Variants in ARPC1B observed in about 807,000 individuals in gnomAD.
ARPC1B encodes the protein actin-related protein 2/3 complex subunit 1B.
Under a neutral mutation model 46.0 loss-of-function variants are expected in ARPC1B, and 29 were observed. The ratio of observed to expected loss-of-function variants is 0.63; its 90% CI spans 0.47 to 0.86. The LOEUF is 0.86. Ranked by LOEUF, ARPC1B falls within the 40% of genes least tolerant of loss-of-function variation. ARPC1B has a pLI of 0.00. For synonymous variants in ARPC1B, 201 were observed against 213.9 expected (o/e 0.94, Z 0.53); for missense variants, 469 against 529.4 (o/e 0.89, Z 1.12).
At chr7:99,375,811 C>A (rs920671434) in intron 1 of ARPC1B, among the ~76,000 whole-genome samples, 3 of 152,066 alleles carry the variant, frequency 2.0e-5, no homozygotes, top group Non-Finnish European at 4.4e-5. Flanking sequence ...GCCTGTAATC[C>A]CAACACTTTG....
At chr7:99,394,218 A>G in intron 9 of ARPC1B, 99 bp downstream of exon 9, 2 of 1,362,126 alleles carry the variant, frequency 1.5e-6, no homozygotes, top group Non-Finnish European at 2.1e-6. Context: ...TCACTCCTGC[A>G]GAGATGGCAC....
At chr7:99,377,998 CT>C (rs1450865187) in intron 1 of ARPC1B, among the ~76,000 whole-genome samples, 1 of 152,104 alleles carries the variant, frequency 6.6e-6, no homozygotes, top group East Asian at 1.9e-4. Flanking sequence ...ATAATTTACT[CT>C]TTCCATATTG....
rs554100103 is a variant in ARPC1B at position 99,387,012 on chromosome 7, CA to C, written c.169+225del. ...GCTTGATCCAGCAGCTCCACATGAC[CA>C]AGAACCCATCTTTTCTGCCTCTTGG... On this transcript the variant is annotated intron_variant, in intron 3 of 9. Coordinates refer to ENST00000646101, the MANE Select transcript of ARPC1B (RefSeq NM_005720.4). 2.9e-3 allele frequency among the ~76,000 whole-genome samples: 437 copies of C among 152,338 alleles called. 1 individual carries two copies. Among genetic ancestry groups the C allele is most frequent in the Non-Finnish European group, 5.2e-3 (352 of 68,026 alleles).
chr7:99,376,843 C>G (rs1794042250), intron 1 of ARPC1B, among the ~76,000 whole-genome samples: 2 of 148,616 alleles, frequency 1.3e-5, no homozygotes, highest in African/African-American at 5.0e-5. Context: ...GCACTCCAGC[C>G]TGGGGTTACA....
intron 8 of ARPC1B, among the ~76,000 whole-genome samples, chr7:99,393,507 G>C (rs553347566): frequency 6.6e-6 from 1 of 152,106 alleles, no homozygotes; most frequent in Admixed American, 6.5e-5. Context: ...CGGAGCTGAG[G>C]GTCTCTCCGC....
intron 9 of ARPC1B, 57 bp downstream of exon 9, chr7:99,394,176 C>T: frequency 6.4e-7 from 1 of 1,560,972 alleles, no homozygotes; most frequent in South Asian, 1.1e-5. Context: ...CCTTTCCCCC[C>T]ATCCCCACTC....
intron 5 of ARPC1B, among the ~76,000 whole-genome samples, chr7:99,390,533 T>A (rs1025165996): frequency 7.2e-5 from 11 of 151,902 alleles, no homozygotes; most frequent in African/African-American, 2.7e-4. Context: ...CATGCCACCA[T>A]GCCCGGCTAA....
rs180820692 is a variant in ARPC1B, at chr7:99,394,725, A to G, written c.*236A>G. ...AAAAAAAAAAAAATGCCCCCAAAGCACTATGCTGGTCATGAACTGCTTCAA... is the reference window on the plus strand; with the variant it reads ...AAAAAAAAAAAAATGCCCCCAAAGCGCTATGCTGGTCATGAACTGCTTCAA... On this transcript the variant is annotated 3_prime_UTR_variant, in exon 10 of 10. Transcript: ENST00000646101. 60 of 1,307,228 alleles carry G rather than the reference A, an allele frequency of 4.6e-5. No homozygotes were observed. In the East Asian group the frequency reaches 1.6e-3, roughly 36 times the overall value. 81.0% of individuals were successfully genotyped at this position (1,307,228 alleles called of 1,614,324 possible).
chr7:99,384,352 TGAG>T (rs1307779527), intron 1 of ARPC1B, among the ~76,000 whole-genome samples: 1 of 152,086 alleles, frequency 6.6e-6, no homozygotes, highest in Non-Finnish European at 1.5e-5. Flanking sequence ...ACTTGGCAGG[TGAG>T]GAGGGAAGAT....
intron 1 of ARPC1B, among the ~76,000 whole-genome samples, chr7:99,385,202 T>A (rs1156834348): frequency 1.3e-5 from 2 of 150,498 alleles, no homozygotes; most frequent in African/African-American, 4.9e-5. Flanking sequence ...GTGATCCGCC[T>A]GCCTCGATCT....
chr7:99,388,317 G>A (rs925932537), intron 4 of ARPC1B, 56 bp downstream of exon 4: 3 of 1,552,782 alleles, frequency 1.9e-6, no homozygotes, highest in African/African-American at 1.4e-5. Context: ...CAGGACTAGA[G>A]TGTCCCCGGG....
chr7:99,386,783 G>A lies in ARPC1B; in HGVS notation c.163G>A (p.Val55Met). 1 of 1,613,440 alleles carries A rather than the reference G, an allele frequency of 6.2e-7. No homozygotes were observed. The highest frequency in any genetic ancestry group is 8.5e-7 in the Non-Finnish European group (1 of 1,179,592). The change falls in exon 3 of 10, where the codon GTG (valine) becomes ATG (methionine). Residue 55 changes from valine to methionine, a missense_variant. By Grantham distance (21) the Val-to-Met change is conservative. Transcript: ENST00000646101. ...VHELKEHNGQ[V>M]TGIDWAPESN... Reference sequence around the variant, plus strand: ...CGAGCTCAAGGAGCACAACGGGCAGGTGACAGGTATGTCAGGGTGGCTGGG... The same window carrying A: ...CGAGCTCAAGGAGCACAACGGGCAGATGACAGGTATGTCAGGGTGGCTGGG...
intron 1 of ARPC1B, among the ~76,000 whole-genome samples, chr7:99,383,710 G>A (rs1794295601): frequency 6.6e-6 from 1 of 152,198 alleles, no homozygotes; most frequent in African/African-American, 2.4e-5. Flanking sequence ...CCGGTATCTG[G>A]GGGAAGAGTG....
intron 4 of ARPC1B, chr7:99,389,215 G>A (rs922126454): frequency 2.6e-5 from 4 of 151,790 alleles, no homozygotes; most frequent in African/African-American, 4.9e-5. Context: ...GGGATTACAG[G>A]CGTGAACCAC....
intron 7 of ARPC1B, among the ~76,000 whole-genome samples, chr7:99,391,496 G>A (rs1584411102): frequency 6.6e-6 from 1 of 152,268 alleles, no homozygotes; most frequent in Non-Finnish European, 1.5e-5. Context: ...TAAAATCCCA[G>A]CACTTTGCGA....
At position 99,394,741 on chromosome 7, in the gene ARPC1B, A is replaced by G; in HGVS notation, c.*252A>G. The stretch of plus-strand genomic sequence containing the variant: ...CCCCAAAGCACTATGCTGGTCATGA[A>G]CTGCTTCAAAATGTGGAGGTAATAA... On this transcript the variant is annotated 3_prime_UTR_variant, in exon 10 of 10. Coordinates refer to ENST00000646101, the MANE Select transcript of ARPC1B (RefSeq NM_005720.4). The G allele has an allele frequency of 8.1e-7, 1 of 1,234,938 alleles. No individual in the cohort carries two copies. Among genetic ancestry groups the G allele is most frequent in the Non-Finnish European group, 1.0e-6 (1 of 992,016 alleles). 76.5% of individuals were successfully genotyped at this position (1,234,938 alleles called of 1,614,324 possible). A position where few individuals can be genotyped will look rare whatever the true frequency, so the allele number is the denominator to read the frequency against.
rs867826051 is a variant in ARPC1B, at chr7:99,394,733, G to C, written c.*244G>C. 1.4e-5 allele frequency: 17 copies of C among 1,234,128 alleles called. No homozygotes were observed. The highest frequency in any genetic ancestry group is 1.7e-5 in the Non-Finnish European group (17 of 993,260). The allele number at this position is 1,234,128 out of a possible 1,614,324, so 76.4% of individuals were successfully genotyped here. A position where few individuals can be genotyped will look rare whatever the true frequency, so the allele number is the denominator to read the frequency against. ...AAAAATGCCCCCAAAGCACTATGCT[G>C]GTCATGAACTGCTTCAAAATGTGGA... On this transcript the variant is annotated 3_prime_UTR_variant, in exon 10 of 10. Coordinates refer to ENST00000646101, the MANE Select transcript of ARPC1B (RefSeq NM_005720.4).
chr7:99,379,756 C>T (rs1794154287), intron 1 of ARPC1B, among the ~76,000 whole-genome samples: 1 of 151,872 alleles, frequency 6.6e-6, no homozygotes, highest in African/African-American at 2.4e-5. Flanking sequence ...ACCACCCCGC[C>T]GCTGGGCAGC....
rs574874781 is a variant in ARPC1B, at chr7:99,388,034, C to A, written c.170-5C>A. ...GCCTCCTGTGTTCCCTCCATCCCCCCACAGGCATCGACTGGGCCCCCGAGA... is the reference window on the plus strand; with the variant it reads ...GCCTCCTGTGTTCCCTCCATCCCCCAACAGGCATCGACTGGGCCCCCGAGA... On this transcript the variant is annotated splice_polypyrimidine_tract_variant and splice_region_variant and intron_variant, in intron 3 of 9. Transcript: ENST00000646101. The A allele has an allele frequency of 9.4e-6, 15 of 1,591,296 alleles. No homozygotes were observed. Among genetic ancestry groups the A allele is most frequent in the African/African-American group, 8.0e-5 (6 of 74,638 alleles).
Sources: gnomAD v4.1 joint callset for allele counts (sites outside exome capture counted in the v4.1 genomes callset) on GRCh38, gnomAD v4.1.1 for gene constraint, MANE v1.5 for transcripts, NCBI Gene and HGNC (gene_info 2026-07-23, HGNC 2026-07-21) for gene names.